Variants in ARHGAP22 observed in about 807,000 individuals in gnomAD.
The protein encoded by ARHGAP22 is Rho GTPase activating protein 22.
A neutral mutation model predicts 59.1 loss-of-function variants in ARHGAP22; 48 were observed. The observed-to-expected ratio is 0.81, with a 90% CI of 0.64 to 1.03. The LOEUF (loss-of-function observed/expected upper bound fraction) is 1.03, where lower values mean the gene tolerates loss of function less well. ARHGAP22 is among the 50% of genes least tolerant of loss of function. The pLI is 0.00. For missense variants in ARHGAP22, 1,015 were observed against 958.7 expected, an observed-to-expected ratio of 1.06 and a Z score of -0.78; for synonymous variants, 445 against 416.4, an observed-to-expected ratio of 1.07 and a Z score of -0.84.
At chr10:48,556,074 C>T (rs547103403) in intron 2 of ARHGAP22, among the ~76,000 whole-genome samples, 1 of 152,114 alleles carries the variant, frequency 6.6e-6, no homozygotes, top group African/African-American at 2.4e-5. Flanking sequence ...GTGCCAGGTG[C>T]CTGGGGTGCA....
At chr10:48,644,513 G>A (rs1309798850) in intron 1 of ARHGAP22, among the ~76,000 whole-genome samples, 1 of 152,142 alleles carries the variant, frequency 6.6e-6, no homozygotes, top group East Asian at 1.9e-4. Context: ...ATATTCTCTA[G>A]GAGAGACCTA....
At chr10:48,594,148 CAAG>C (rs1564960001) in intron 1 of ARHGAP22, among the ~76,000 whole-genome samples, 3 of 152,322 alleles carry the variant, frequency 2.0e-5, no homozygotes, top group East Asian at 1.9e-4. Flanking sequence ...CCACAGCAAG[CAAG>C]AAGGTCAGAG....
At position 48,448,478 on chromosome 10, in the gene ARHGAP22, T is replaced by C. The variant is rs78962733; in HGVS notation, c.1868+1783A>G. On this transcript the variant is annotated intron_variant, in intron 9 of 9. Transcript: ENST00000249601. ...CTGTGGCCACCTGCACAGCATCTGGTACTTCACAGAAAACAGGTTCTCTTT... is the reference window on the plus strand; with the variant it reads ...CTGTGGCCACCTGCACAGCATCTGGCACTTCACAGAAAACAGGTTCTCTTT... 6.8e-4 allele frequency among the ~76,000 whole-genome samples: 104 copies of C among 152,302 alleles called. 1 individual carries two copies. The East Asian group carries it at 0.015, about 22-fold the overall frequency.
At chr10:48,622,392 T>C (rs2061314848) in intron 1 of ARHGAP22, among the ~76,000 whole-genome samples, 1 of 152,234 alleles carries the variant, frequency 6.6e-6, no homozygotes, top group Non-Finnish European at 1.5e-5. Context: ...TCTTGATTAC[T>C]AATGAGGTTG....
At chr10:48,569,786 T>C (rs2058284805) in intron 2 of ARHGAP22, among the ~76,000 whole-genome samples, 1 of 152,198 alleles carries the variant, frequency 6.6e-6, no homozygotes, top group African/African-American at 2.4e-5. Context: ...GTAGGCAGTA[T>C]AGCTCTGGGT....
At chr10:48,433,994 C>T in the ARHGAP22 span, among the ~76,000 whole-genome samples, 24 of 152,204 alleles carry the variant, frequency 1.6e-4, no homozygotes, top group Admixed American at 4.6e-4. Flanking sequence ...TTCAGAAGTA[C>T]TTAGCCTAGT....
At chr10:48,490,880 A>G (rs2050323226) in intron 3 of ARHGAP22, among the ~76,000 whole-genome samples, 1 of 152,136 alleles carries the variant, frequency 6.6e-6, no homozygotes, top group South Asian at 2.1e-4. Flanking sequence ...ACTCAAGTTG[A>G]AACCGGACAC....
chr10:48,586,795 G>A (rs533669945), intron 1 of ARHGAP22, among the ~76,000 whole-genome samples: 52 of 152,270 alleles, frequency 3.4e-4, no homozygotes, highest in Non-Finnish European at 4.7e-4. Flanking sequence ...TGTATGAGAC[G>A]TCTGCTCGCT....
At chr10:48,497,299 C>G (rs766277307) in intron 3 of ARHGAP22, among the ~76,000 whole-genome samples, 5 of 152,346 alleles carry the variant, frequency 3.3e-5, no homozygotes, top group Non-Finnish European at 7.4e-5. Context: ...GGCCACAGCT[C>G]TGTCTCCTTG....
At chr10:48,548,392 TG>T (rs1279547012) in intron 3 of ARHGAP22, among the ~76,000 whole-genome samples, 1 of 152,222 alleles carries the variant, frequency 6.6e-6, no homozygotes, top group East Asian at 1.9e-4. Flanking sequence ...CTTATGGTTC[TG>T]GTCTCAAGCC....
intron 4 of ARHGAP22, among the ~76,000 whole-genome samples, chr10:48,472,816 T>TAA (rs200554992): frequency 2.1e-5 from 3 of 144,262 alleles, no homozygotes; most frequent in South Asian, 4.4e-4. Context: ...GGATGGCTAT[T>TAA]AAAAAAAAAA....
At chr10:48,651,186 A>G (rs999292253) in intron 1 of ARHGAP22, among the ~76,000 whole-genome samples, 1 of 152,186 alleles carries the variant, frequency 6.6e-6, no homozygotes, top group African/African-American at 2.4e-5. Flanking sequence ...GGGAATTTTT[A>G]AAAGCACCTT....
At chr10:48,514,406 C>T (rs749835458) in intron 3 of ARHGAP22, among the ~76,000 whole-genome samples, 2 of 152,018 alleles carry the variant, frequency 1.3e-5, no homozygotes, top group Non-Finnish European at 2.9e-5. Flanking sequence ...TCATCAGAAA[C>T]CATGGAAACC....
rs192611130 is a variant in ARHGAP22, at chr10:48,625,806, A to T, written c.52+26428T>A. On this transcript the variant is annotated intron_variant, in intron 1 of 9. Transcript: ENST00000435790. Reference sequence around the variant, plus strand: ...AGGAGGGAAGATCTGAATGTGCCTCAGCTTCCATGCTTCCAGGGATGATCT... The same window carrying T: ...AGGAGGGAAGATCTGAATGTGCCTCTGCTTCCATGCTTCCAGGGATGATCT... Among the ~76,000 whole-genome samples, 22 of 152,036 alleles carry T rather than the reference A, an allele frequency of 1.4e-4. 1 individual carries two copies. The highest frequency in any genetic ancestry group is 4.6e-4 in the African/African-American group (19 of 41,462).
At chr10:48,654,977 A>C (rs201232082), upstream of ARHGAP22, among the ~76,000 whole-genome samples, 14 of 68,604 alleles carry the variant, frequency 2.0e-4, no homozygotes, top group South Asian at 4.8e-4. Context: ...CCTTCCTTCC[A>C]TCCTTCCTCC....
At chr10:48,519,737 C>A (rs982731425) in intron 3 of ARHGAP22, among the ~76,000 whole-genome samples, 1 of 152,194 alleles carries the variant, frequency 6.6e-6, no homozygotes, top group Non-Finnish European at 1.5e-5. Context: ...TGCCCTCAGG[C>A]CCATTTGATG....
intron 1 of ARHGAP22, among the ~76,000 whole-genome samples, chr10:48,641,554 C>G (rs1182401075): frequency 6.6e-6 from 1 of 152,156 alleles, no homozygotes; most frequent in African/African-American, 2.4e-5. Context: ...GCCCTTCATA[C>G]TAAAAACTCT....
At chr10:48,536,313 C>A (rs761424666) in intron 3 of ARHGAP22, among the ~76,000 whole-genome samples, 2 of 152,156 alleles carry the variant, frequency 1.3e-5, no homozygotes, top group Non-Finnish European at 2.9e-5. Flanking sequence ...TGTGGAGCTG[C>A]CAGCAGGGGA....
chr10:48,518,404 GT>G (rs796202064), intron 3 of ARHGAP22, among the ~76,000 whole-genome samples: 4 of 152,314 alleles, frequency 2.6e-5, no homozygotes, highest in African/African-American at 9.6e-5. Context: ...AATGACACAT[GT>G]ATATTTACAC....
Sources: allele counts gnomAD v4.1 joint callset (sites outside exome capture counted in the v4.1 genomes callset), GRCh38; gene constraint gnomAD v4.1.1; transcripts MANE v1.5; gene names NCBI Gene and HGNC (gene_info 2026-07-23, HGNC 2026-07-21).